The following CANX variants were observed in gnomAD, a reference collection of about 807,000 sequenced individuals.
CANX encodes the protein calnexin.
Under a neutral mutation model 75.7 loss-of-function variants are expected in CANX, and 14 were observed. The ratio of observed to expected loss-of-function variants is 0.19; its 90% CI spans 0.12 to 0.29. The LOEUF is 0.29. CANX is among the 10% of genes least tolerant of loss of function. The pLI is 1.00. For missense variants in CANX, 567 were observed against 713.2 expected (o/e 0.79, Z 2.34); for synonymous variants, 227 against 236.9 (o/e 0.96, Z 0.38).
intron 2 of CANX, 132 bp downstream of exon 2, chr5:179,705,984 A>C: frequency 1.5e-6 from 1 of 689,236 alleles, no homozygotes; most frequent in Non-Finnish European, 2.5e-6. Context: ...CAGCCTTGGC[A>C]ACACAGGGAG....
At chr5:179,726,149 G>A (rs886318219) in intron 13 of CANX, among the ~76,000 whole-genome samples, 2 of 151,588 alleles carry the variant, frequency 1.3e-5, no homozygotes, top group South Asian at 2.1e-4. Context: ...TTAGCCAGGC[G>A]TGGTGGTGGG....
intron 10 of CANX, among the ~76,000 whole-genome samples, chr5:179,721,257 T>G (rs952008672): frequency 1.3e-5 from 2 of 151,726 alleles, no homozygotes; most frequent in Non-Finnish European, 2.9e-5. Flanking sequence ...CCTGGCTGAT[T>G]TTTTGTATTT....
intron 1 of CANX, among the ~76,000 whole-genome samples, chr5:179,683,275 C>A (rs2113028340): frequency 6.6e-6 from 1 of 152,092 alleles, no homozygotes; most frequent in South Asian, 2.1e-4. Context: ...CTACAGGCAC[C>A]CGCCACCATG....
chr5:179,694,902 A>G (rs185412409), upstream of CANX: 207 of 315,626 alleles, frequency 6.6e-4, no homozygotes, highest in African/African-American at 4.3e-3. Context: ...TGAGGGAAGG[A>G]TGGAGAGACA....
At chr5:179,726,933 T>G (rs1778710567) in intron 14 of CANX, among the ~76,000 whole-genome samples, 174 bp downstream of exon 14, 1 of 152,262 alleles carries the variant, frequency 6.6e-6, no homozygotes, top group African/African-American at 2.4e-5. Flanking sequence ...TTGATAATTT[T>G]AAGCTACATA....
At chr5:179,707,289 T>G in intron 4 of CANX, 99 bp downstream of exon 4, 1 of 775,548 alleles carries the variant, frequency 1.3e-6, no homozygotes, top group African/African-American at 1.7e-5. Flanking sequence ...CATAGTAGGC[T>G]TTAAGATTTT....
Position 179,707,164 on chromosome 5 carries a change from C to A in CANX, c.278C>A (p.Thr93Asn). 1.9e-6 allele frequency: 3 copies of A among 1,599,314 alleles called. No homozygotes were observed. Among genetic ancestry groups the A allele is most frequent in the African/African-American group, 1.3e-5 (1 of 74,692 alleles). ...TTATCCAAAGCCAAGAAAGACGATACCGATGATGAAATTGCCAAATATGAT... is the reference window on the plus strand; with the variant it reads ...TTATCCAAAGCCAAGAAAGACGATAACGATGATGAAATTGCCAAATATGAT... ...WILSKAKKDDTDDEIAKYDGK... is the reference protein window; with the variant it reads ...WILSKAKKDDNDDEIAKYDGK... The change falls in exon 4 of 15, where the codon ACC (threonine) becomes AAC (asparagine). Residue 93 changes from threonine to asparagine, a missense_variant. Around this residue, in one of 3 missense-constraint regions of CANX, gnomAD observed 351 missense variants for 433.8 expected, o/e 0.81. Coordinates refer to ENST00000247461, the MANE Select transcript of CANX (RefSeq NM_001746.4).
At chr5:179,726,963 T>C (rs369024016) in intron 14 of CANX, among the ~76,000 whole-genome samples, 5 of 152,360 alleles carry the variant, frequency 3.3e-5, no homozygotes, top group African/African-American at 1.2e-4. Context: ...GAAGTATCTT[T>C]TTAGCTGAAA....
chr5:179,678,940 G>A (rs954548673), intron 1 of CANX: 2 of 1,535,152 alleles, frequency 1.3e-6, no homozygotes, highest in African/African-American at 1.4e-5. Context: ...TGAGGCGCAT[G>A]CACGGCGCGC....
chr5:179,698,565 C>T, upstream of CANX: 1 of 1,289,388 alleles, frequency 7.8e-7, no homozygotes, highest in African/African-American at 1.5e-5. Context: ...GCGAAGGGCG[C>T]GCGATGCGTC....
At chr5:179,722,350 G>A (rs1778367822) in intron 10 of CANX, among the ~76,000 whole-genome samples, 1 of 152,246 alleles carries the variant, frequency 6.6e-6, no homozygotes, top group African/African-American at 2.4e-5. Flanking sequence ...TGCTTTCAGA[G>A]TCACTGCTGC....
chr5:179,698,681 C>T, upstream of CANX: 1 of 1,044,250 alleles, frequency 9.6e-7, no homozygotes, highest in Non-Finnish European at 1.3e-6. Context: ...GTTAAACCAG[C>T]CCCGCCCCGA....
Position 179,684,926 on chromosome 5 carries a change from A to ATTTTTTTTTTTTT in CANX, c.-4+6167_-4+6179dup, listed in dbSNP as rs71001039. Among the ~76,000 whole-genome samples the ATTTTTTTTTTTTT allele has an allele frequency of 1.1e-3, 56 of 49,144 alleles. 6 individuals are homozygous for ATTTTTTTTTTTTT. The highest frequency in any genetic ancestry group is 3.4e-3 in the East Asian group (4 of 1,182). 32.2% of individuals were successfully genotyped at this position (49,144 alleles called of 152,430 possible). ...TGCCACCACACCTGGCTAATTTTGT[A>ATTTTTTTTTTTTT]TTTTTTTTTTTTTTTTTTTTTTTTT... On this transcript the variant is annotated intron_variant, in intron 1 of 14. Coordinates refer to the CANX transcript ENST00000681674.
At chr5:179,703,225 CTT>C (rs545011653) in intron 1 of CANX, among the ~76,000 whole-genome samples, 22 of 137,398 alleles carry the variant, frequency 1.6e-4, no homozygotes, top group East Asian at 2.2e-4. Flanking sequence ...GTGGTGGAGT[CTT>C]TTTTTTTTTT....
rs1778186026 is a variant in CANX at position 179,719,755 on chromosome 5, T to C, written c.999T>C (p.Asp333=). 1 of 1,608,576 alleles carries C rather than the reference T, an allele frequency of 6.2e-7. No individual in the cohort carries two copies. ...ATGATGAGCCTGAGTACGTACCTGA[T>C]CCAGACGCAGAGAAACCTGAGGATT... The part of the protein sequence containing the change: ...WLDDEPEYVP[D]PDAEKPEDWD... The change falls in exon 9 of 15, where the codon GAT becomes GAC. Residue 333 remains aspartate (D), a synonymous_variant. Transcript: ENST00000247461.
At chr5:179,725,096 C>T (rs1443943561) in intron 13 of CANX, among the ~76,000 whole-genome samples, 1 of 152,186 alleles carries the variant, frequency 6.6e-6, no homozygotes, top group African/African-American at 2.4e-5. Flanking sequence ...AGTCACAGTT[C>T]ACTGCAGCCT....
chr5:179,711,259 C>T (rs1354345317), intron 7 of CANX, among the ~76,000 whole-genome samples: 1 of 138,394 alleles, frequency 7.2e-6, no homozygotes, highest in African/African-American at 2.6e-5. Flanking sequence ...CCTGTCTCTA[C>T]AAAATCTTAA....
chr5:179,714,044 G>C (rs958536887), intron 7 of CANX, among the ~76,000 whole-genome samples: 5 of 151,904 alleles, frequency 3.3e-5, no homozygotes, highest in Non-Finnish European at 7.4e-5. Flanking sequence ...TGTTGCCCAG[G>C]CTGGAGTGCA....
At chr5:179,694,606 A>C, upstream of CANX, 1 of 987,928 alleles carries the variant, frequency 1.0e-6, no homozygotes, top group Non-Finnish European at 1.6e-6. Context: ...AAGCAGCCTT[A>C]CATCACTAAG....
Sources: gnomAD v4.1 joint callset for allele counts (sites outside exome capture counted in the v4.1 genomes callset) on GRCh38, gnomAD v4.1.1 for gene constraint, gnomAD v4.1.1 regional missense constraint, MANE v1.5 for transcripts, NCBI Gene and HGNC (gene_info 2026-07-23, HGNC 2026-07-21) for gene names.